The following HDX variants were observed in gnomAD, a reference collection of about 807,000 sequenced individuals.
HDX encodes highly divergent homeobox, also known as chromosome X open reading frame 43.
A neutral mutation model predicts 45.2 loss-of-function variants in HDX; 19 were observed. That is an observed-to-expected ratio of 0.42 (90% CI 0.29 to 0.62). The LOEUF is 0.62. Ranked by LOEUF, HDX falls within the 20% of genes least tolerant of loss-of-function variation. The pLI, the probability that HDX is intolerant of heterozygous loss-of-function variation, is 0.20. For synonymous variants in HDX, 188 were observed against 172.8 expected (o/e 1.09, Z -0.69); for missense variants, 532 against 493.9 (o/e 1.08, Z -0.73).
intron 5 of HDX, among the ~76,000 whole-genome samples, chrX:84,432,138 T>G (rs1307320773): frequency 9.0e-6 from 1 of 111,592 alleles, no homozygotes; most frequent in African/African-American, 3.2e-5. Flanking sequence ...AAAGATCAGA[T>G]GGTTGTAGGT....
chrX:84,414,035 T>G lies in HDX; in HGVS notation c.1305+26497A>C, dbSNP rs2039047320. The stretch of plus-strand genomic sequence containing the variant: ...ACTGAAACTGTAAAGAAATTAAGTT[T>G]CATAGACTTGTAGTCCTTTTGGAAA... On this transcript the variant is annotated intron_variant, in intron 5 of 10. Coordinates refer to ENST00000373177, the MANE Select transcript of HDX (RefSeq NM_001177479.2). Among the ~76,000 whole-genome samples, 3 of 111,717 alleles carry G rather than the reference T, an allele frequency of 2.7e-5. No homozygotes were observed. The South Asian group carries it at 1.1e-3, about 42-fold the overall frequency.
intron 10 of HDX, among the ~76,000 whole-genome samples, chrX:84,323,185 T>A (rs1163242360): frequency 9.0e-6 from 1 of 111,317 alleles, no homozygotes; most frequent in Non-Finnish European, 1.9e-5. Context: ...TGTTATTATT[T>A]ATTTTATAAA....
chrX:84,365,955 T>G (rs755359916), intron 5 of HDX, among the ~76,000 whole-genome samples: 1 of 111,663 alleles, frequency 9.0e-6, no homozygotes, highest in Non-Finnish European at 1.9e-5. Context: ...ACCACTCCAA[T>G]TCAACATAGT....
intron 4 of HDX, among the ~76,000 whole-genome samples, chrX:84,441,033 C>T (rs140926617): frequency 0.014 from 1,610 of 111,137 alleles, 26 homozygotes; most frequent in African/African-American, 0.051. Flanking sequence ...ATATATACTA[C>T]ATTTATTCTT....
Position 84,358,131 on chromosome X carries a change from A to G in HDX, c.1452+3335T>C, listed in dbSNP as rs772577154. ...GGAATTGAAATATCTTGTCTAAGCC[A>G]TTGTTACTTTTGGGTCTTTTTAATA... On this transcript the variant is annotated intron_variant, in intron 6 of 10. Transcript: ENST00000373177. Among the ~76,000 whole-genome samples, 85 of 112,093 alleles carry G rather than the reference A, an allele frequency of 7.6e-4. 1 individual carries two copies. The highest frequency in any genetic ancestry group is 2.6e-3 in the African/African-American group (80 of 30,909).
chrX:84,424,781 C>T (rs2039347366), intron 5 of HDX, among the ~76,000 whole-genome samples: 1 of 110,933 alleles, frequency 9.0e-6, no homozygotes, highest in Non-Finnish European at 1.9e-5. Context: ...AAACCAGACC[C>T]CTATCTCTCA....
chrX:84,435,586 T>C (rs917229107), intron 5 of HDX, among the ~76,000 whole-genome samples: 6 of 107,224 alleles, frequency 5.6e-5, no homozygotes, highest in Admixed American at 3.0e-4. Flanking sequence ...TTTGTCAATT[T>C]TGGCTTTTGT....
chrX:84,394,337 G>C (rs1391288583), intron 5 of HDX, among the ~76,000 whole-genome samples: 2 of 111,625 alleles, frequency 1.8e-5, no homozygotes, highest in African/African-American at 6.5e-5. Context: ...GAATGTCTAG[G>C]TTTGTTCCAC....
At chrX:84,438,805 T>C (rs2039695064) in intron 5 of HDX, among the ~76,000 whole-genome samples, 1 of 111,675 alleles carries the variant, frequency 9.0e-6, no homozygotes, top group African/African-American at 3.2e-5. Context: ...CTTAGGTTGA[T>C]TTTATGACCT....
intron 5 of HDX, among the ~76,000 whole-genome samples, chrX:84,373,115 A>G (rs2037939837): frequency 8.9e-6 from 1 of 111,763 alleles, no homozygotes; most frequent in Non-Finnish European, 1.9e-5. Flanking sequence ...AACAAAACAC[A>G]TAGGTATTTT....
rs776213954 is a variant in HDX at position 84,395,306 on chromosome X, T to C, written c.1306-33694A>G. 3.6e-5 allele frequency among the ~76,000 whole-genome samples: 4 copies of C among 110,911 alleles called. No individual in the cohort carries two copies. The South Asian group carries it at 1.5e-3, about 42-fold the overall frequency. On this transcript the variant is annotated intron_variant, in intron 5 of 10. Transcript: ENST00000373177. ...TTATTTGTCTGGAAAATACTTTACT[T>C]TTCCTACATTTATGAAGAATAACAT... is the stretch of plus-strand genomic sequence containing the variant.
At chrX:84,333,652 A>G (rs5922965) in intron 9 of HDX, 107 bp downstream of exon 9, 200,319 of 397,227 alleles carry the variant, frequency 0.5, 36,064 homozygotes, top group Admixed American at 0.7. Flanking sequence ...GAATTAATGC[A>G]GAGCCTTAGA....
intron 7 of HDX, among the ~76,000 whole-genome samples, 157 bp from the exon 8 acceptor site, chrX:84,337,037 T>C (rs2036980625): frequency 9.0e-6 from 1 of 111,248 alleles, no homozygotes; most frequent in African/African-American, 3.3e-5. Context: ...AAACAATGCA[T>C]TCAAAGGAAA....
At chrX:84,374,951 G>A (rs373295325) in intron 5 of HDX, among the ~76,000 whole-genome samples, 25 of 105,450 alleles carry the variant, frequency 2.4e-4, no homozygotes, top group Non-Finnish European at 3.3e-4. Flanking sequence ...ATCAGAGTGA[G>A]CAGGCAACCT....
intron 6 of HDX, among the ~76,000 whole-genome samples, chrX:84,352,693 C>G (rs1284423335): frequency 2.7e-5 from 3 of 111,533 alleles, no homozygotes; most frequent in Non-Finnish European, 5.7e-5. Flanking sequence ...CTCTAGCACC[C>G]AATTTCTCAT....
chrX:84,363,139 T>C (rs775591133), intron 5 of HDX, among the ~76,000 whole-genome samples: 1 of 111,898 alleles, frequency 8.9e-6, no homozygotes, highest in South Asian at 3.7e-4. Context: ...AATACTAAAT[T>C]ACGTTTCCAA....
intron 3 of HDX, among the ~76,000 whole-genome samples, chrX:84,469,855 T>C (rs2040423572): frequency 8.9e-6 from 1 of 111,788 alleles, no homozygotes. Context: ...AACCTAAAAA[T>C]GTTTATACAC....
At chrX:84,498,930 G>A (rs766910962) in intron 1 of HDX, among the ~76,000 whole-genome samples, 1 of 110,477 alleles carries the variant, frequency 9.1e-6, no homozygotes, top group East Asian at 2.9e-4. Flanking sequence ...ATTGACCTTA[G>A]TCAAGCATAA....
intron 5 of HDX, among the ~76,000 whole-genome samples, chrX:84,432,293 G>T (rs1403396856): frequency 9.0e-6 from 1 of 111,522 alleles, no homozygotes; most frequent in Non-Finnish European, 1.9e-5. Flanking sequence ...AGTTATTTTT[G>T]CTCAGGATTG....
Sources: allele counts gnomAD v4.1 joint callset (sites outside exome capture counted in the v4.1 genomes callset), GRCh38; gene constraint gnomAD v4.1.1; transcripts MANE v1.5; gene names NCBI Gene and HGNC (gene_info 2026-07-23, HGNC 2026-07-21).